The following ANAPC15 variants were observed in gnomAD, a reference collection of about 807,000 sequenced individuals.
The protein encoded by ANAPC15 is anaphase-promoting complex subunit 15.
Under a neutral mutation model 19.8 loss-of-function variants are expected in ANAPC15, and 13 were observed. The ratio of observed to expected loss-of-function variants is 0.66; its 90% confidence interval spans 0.43 to 1.04. The LOEUF is 1.04. Ranked by LOEUF, ANAPC15 falls within the 50% of genes least tolerant of loss-of-function variation. The pLI is 0.00. For missense variants in ANAPC15, 88 were observed against 150.3 expected (o/e 0.59, Z 2.17); for synonymous variants, 45 against 50.7 (o/e 0.89, Z 0.47).
chr11:72,112,592 T>TG (rs1947316276), intron 1 of ANAPC15, 58 bp downstream of exon 1: 2 of 449,124 alleles, frequency 4.5e-6, no homozygotes, highest in African/African-American at 2.0e-5. Flanking sequence ...TGGGTTTCTC[T>TG]GGGGGAAAAA....
intron 3 of ANAPC15, 126 bp from the exon 4 acceptor site, chr11:72,110,729 A>C: frequency 2.1e-6 from 2 of 932,230 alleles, no homozygotes; most frequent in Non-Finnish European, 3.3e-6. Flanking sequence ...CCCAGTTCTC[A>C]GGGAGATACA....
In ANAPC15 at chr11:72,109,819, T is replaced by C. The variant is rs1366774283; in HGVS notation, c.*62A>G. On this transcript the variant is annotated 3_prime_UTR_variant, in exon 6 of 6. Transcript: ENST00000227618. Reference sequence around the variant, plus strand: ...TGGTTCTGTGGGCAGGGGTTGGGGGTTGGGATGCAGGGTAGTTTGGGCTGG... The same window carrying C: ...TGGTTCTGTGGGCAGGGGTTGGGGGCTGGGATGCAGGGTAGTTTGGGCTGG... The C allele has an allele frequency of 3.7e-5, 59 of 1,601,038 alleles. No homozygotes were observed. The highest frequency in any genetic ancestry group is 5.4e-5 in the African/African-American group (4 of 74,520).
At chr11:72,108,505 T>A (rs1185931313), downstream of ANAPC15, 8 of 1,079,766 alleles carry the variant, frequency 7.4e-6, no homozygotes, top group Admixed American at 2.4e-4. Flanking sequence ...CATGGGAAGC[T>A]AAGCCAGGAC....
chr11:72,108,018 G>A, downstream of ANAPC15: 2 of 1,551,662 alleles, frequency 1.3e-6, no homozygotes, highest in Non-Finnish European at 1.7e-6. Flanking sequence ...TATTGCCCGA[G>A]CCCTGCCCCC....
downstream of ANAPC15, chr11:72,107,866 A>G (rs1591191662): frequency 3.9e-6 from 6 of 1,539,636 alleles, no homozygotes; most frequent in Non-Finnish European, 5.3e-6. Flanking sequence ...GATATCTTTT[A>G]TCAGGGGCCC....
intron 1 of ANAPC15, 62 bp downstream of exon 1, chr11:72,112,588 T>C (rs1947313011): frequency 4.5e-6 from 2 of 446,774 alleles, no homozygotes; most frequent in African/African-American, 4.0e-5. Context: ...GAAATGGGTT[T>C]CTCTGGGGGA....
At chr11:72,106,743 C>T (rs911372707), downstream of ANAPC15, 1 of 152,020 alleles carries the variant, frequency 6.6e-6, no homozygotes, top group African/African-American at 2.4e-5. Flanking sequence ...GAGTTTGAGA[C>T]CGGCTTGGGC....
downstream of ANAPC15, chr11:72,108,693 C>T: frequency 6.5e-7 from 1 of 1,544,762 alleles, no homozygotes; most frequent in Non-Finnish European, 8.7e-7. Flanking sequence ...GTGCTCCTGG[C>T]ACACCGGCCA....
intron 3 of ANAPC15, 42 bp downstream of exon 3, chr11:72,111,111 CTCTG>C (rs781126410): frequency 3.7e-6 from 5 of 1,334,920 alleles, no homozygotes; most frequent in Admixed American, 3.4e-5. Context: ...TGAAGGAGGT[CTCTG>C]TCTGTGCTGA....
At chr11:72,112,766 TCC>T (rs1947369075), upstream of ANAPC15, 2 of 456,192 alleles carry the variant, frequency 4.4e-6, no homozygotes, top group Admixed American at 2.4e-5. Context: ...CCTTTTGTTT[TCC>T]CCGCTCCCGC....
At chr11:72,109,262 G>A (rs1946084640), downstream of ANAPC15, 8 of 456,132 alleles carry the variant, frequency 1.8e-5, no homozygotes, top group South Asian at 9.9e-5. Flanking sequence ...CTCTTAACAC[G>A]AAGGAAGCTG....
At chr11:72,108,261 C>A, downstream of ANAPC15, 1 of 701,046 alleles carries the variant, frequency 1.4e-6, no homozygotes, top group Non-Finnish European at 2.2e-6. Flanking sequence ...TGAGCTCCTG[C>A]CCTCCTGTCC....
downstream of ANAPC15, chr11:72,108,161 G>T: frequency 6.9e-7 from 1 of 1,449,226 alleles, no homozygotes; most frequent in Non-Finnish European, 9.1e-7. Context: ...TGTCACCCCA[G>T]GCCTTGCCCC....
At chr11:72,107,893 G>A (rs1945851159), downstream of ANAPC15, 2 of 1,551,212 alleles carry the variant, frequency 1.3e-6, no homozygotes, top group Admixed American at 2.0e-5. Context: ...CATCTCCCAT[G>A]TCTTCTGCAA....
At chr11:72,111,385 G>A (rs995209742) in intron 2 of ANAPC15, 27 bp downstream of exon 2, 2 of 894,764 alleles carry the variant, frequency 2.2e-6, no homozygotes, top group African/African-American at 1.7e-5. Context: ...CAGGAAAGCA[G>A]CCCCTCCCCC....
At chr11:72,108,595 A>C (rs1484130955), downstream of ANAPC15, 1 of 1,441,920 alleles carries the variant, frequency 6.9e-7, no homozygotes, top group Admixed American at 2.7e-5. Flanking sequence ...AGCTCCCCCT[A>C]TCCCCACAGG....
At position 72,109,698 on chromosome 11, in the gene ANAPC15, G is replaced by A. The variant is rs1308829016; in HGVS notation, c.*183C>T. 1.4e-6 allele frequency: 1 copy of A among 690,886 alleles called. No homozygotes were observed. The highest frequency in any genetic ancestry group is 2.5e-6 in the Non-Finnish European group (1 of 400,522). 42.8% of individuals were successfully genotyped at this position (690,886 alleles called of 1,614,324 possible). On this transcript the variant is annotated 3_prime_UTR_variant, in exon 6 of 6. Transcript: ENST00000227618. ...AGGTTTCAGGCCCTGGGGATTTCAAGTGCAGACTGATGGCCTGGGAGGGGC... is the reference window on the plus strand; with the variant it reads ...AGGTTTCAGGCCCTGGGGATTTCAAATGCAGACTGATGGCCTGGGAGGGGC...
At chr11:72,109,104 A>C, downstream of ANAPC15, 1 of 606,418 alleles carries the variant, frequency 1.6e-6, no homozygotes, top group East Asian at 2.9e-5. Context: ...GTCAAGTTCT[A>C]TCAGGCTGCT....
At chr11:72,111,019 G>A in intron 3 of ANAPC15, 138 bp downstream of exon 3, 1 of 679,158 alleles carries the variant, frequency 1.5e-6, no homozygotes, top group Admixed American at 2.7e-5. Context: ...TGGCTCCCTG[G>A]CTCCCAGCCC....
Sources: allele counts gnomAD v4.1 joint callset, GRCh38; gene constraint gnomAD v4.1.1; transcripts MANE v1.5; gene names NCBI Gene and HGNC (gene_info 2026-07-23, HGNC 2026-07-21).